Variants in FSTL5 observed in about 807,000 individuals in gnomAD.
FSTL5 encodes follistatin-related protein 5.
FSTL5 carries 62 observed loss-of-function variants against 89.1 expected under a neutral mutation model. The observed-to-expected ratio is 0.70, with a 90% CI of 0.57 to 0.86. FSTL5 has a LOEUF of 0.86. Ranked by LOEUF, FSTL5 falls within the 40% of genes least tolerant of loss-of-function variation. The pLI is 0.00. For missense variants in FSTL5, 1,057 were observed against 1,001.6 expected, an observed-to-expected ratio of 1.06 and a Z score of -0.75; for synonymous variants, 383 against 346.2, an observed-to-expected ratio of 1.11 and a Z score of -1.18.
At chr4:161,560,844 C>T (rs547584953) in intron 8 of FSTL5, among the ~76,000 whole-genome samples, 63 of 151,918 alleles carry the variant, frequency 4.1e-4, no homozygotes, top group African/African-American at 1.4e-3. Flanking sequence ...GCTGTTTTAC[C>T]GTTAACATTT....
chr4:162,100,418 G>A (rs1730948974), intron 2 of FSTL5, among the ~76,000 whole-genome samples: 1 of 152,080 alleles, frequency 6.6e-6, no homozygotes, highest in Admixed American at 6.6e-5. Context: ...AAATTATCCA[G>A]GTGTGGTGAG....
At chr4:161,461,305 C>A (rs10021022) in intron 13 of FSTL5, among the ~76,000 whole-genome samples, 101,705 of 128,738 alleles carry the variant, frequency 0.79, 40,406 homozygotes, top group East Asian at 0.95. Flanking sequence ...AACAAACAAA[C>A]AAAAAAATTA....
chr4:161,459,139 AT>A, intron 14 of FSTL5, 72 bp downstream of exon 14: 1 of 956,342 alleles, frequency 1.0e-6, no homozygotes, highest in Non-Finnish European at 1.7e-6. Context: ...TGGTTAAATG[AT>A]CACAAATATC....
chr4:161,931,328 G>A (rs766580796), intron 3 of FSTL5, among the ~76,000 whole-genome samples: 1 of 151,814 alleles, frequency 6.6e-6, no homozygotes, highest in Non-Finnish European at 1.5e-5. Flanking sequence ...CTTGGTCTAG[G>A]TGAATATAGT....
At chr4:161,566,670 C>T (rs1362863530) in intron 8 of FSTL5, among the ~76,000 whole-genome samples, 2 of 151,952 alleles carry the variant, frequency 1.3e-5, no homozygotes, top group Non-Finnish European at 2.9e-5. Context: ...GATGGTATCT[C>T]ATTGTGGTTT....
chr4:161,603,176 C>T (rs572368781), intron 7 of FSTL5, among the ~76,000 whole-genome samples: 7 of 152,110 alleles, frequency 4.6e-5, no homozygotes, highest in African/African-American at 7.2e-5. Context: ...TACACACACA[C>T]ATTGGCGTAC....
intron 13 of FSTL5, among the ~76,000 whole-genome samples, chr4:161,468,164 T>C (rs190100825): frequency 3.9e-5 from 6 of 152,180 alleles, no homozygotes; most frequent in Admixed American, 3.9e-4. Flanking sequence ...AACCCCATCA[T>C]ACAGTTCTCC....
At chr4:162,147,496 A>C (rs1009576125) in intron 1 of FSTL5, among the ~76,000 whole-genome samples, 2 of 152,194 alleles carry the variant, frequency 1.3e-5, no homozygotes, top group African/African-American at 4.8e-5. Context: ...AAAAGCAGTA[A>C]GATTTATTTG....
chr4:161,863,957 A>G (rs1294195706), intron 4 of FSTL5, among the ~76,000 whole-genome samples: 1 of 152,074 alleles, frequency 6.6e-6, no homozygotes, highest in Admixed American at 6.5e-5. Context: ...TGTTCTTGTC[A>G]TTGTCTATTG....
At chr4:161,854,655 G>A (rs943541951) in intron 4 of FSTL5, among the ~76,000 whole-genome samples, 1 of 152,062 alleles carries the variant, frequency 6.6e-6, no homozygotes, top group African/African-American at 2.4e-5. Flanking sequence ...GAATAAATAA[G>A]TTAGGTTAAA....
intron 3 of FSTL5, among the ~76,000 whole-genome samples, chr4:161,932,669 A>G (rs1027846685): frequency 9.2e-5 from 14 of 151,866 alleles, no homozygotes; most frequent in Non-Finnish European, 2.9e-5. Flanking sequence ...GAACTATATC[A>G]CTTGGCTTAT....
chr4:161,769,735 T>C (rs2872574), intron 5 of FSTL5, among the ~76,000 whole-genome samples: 31,840 of 151,864 alleles, frequency 0.21, 6,147 homozygotes, highest in African/African-American at 0.51. Context: ...GAAAGCCTTT[T>C]CTCTAAGATC....
At chr4:162,066,710 G>T (rs1738931820) in intron 2 of FSTL5, among the ~76,000 whole-genome samples, 1 of 151,026 alleles carries the variant, frequency 6.6e-6, no homozygotes, top group Non-Finnish European at 1.5e-5. Context: ...GTGTTACTCT[G>T]CTAAGAATGA....
chr4:161,721,863 A>T (rs182332941), intron 6 of FSTL5, among the ~76,000 whole-genome samples: 20 of 152,320 alleles, frequency 1.3e-4, no homozygotes, highest in Non-Finnish European at 4.4e-5. Context: ...TTAGTGAGTG[A>T]ATTTTAAAAT....
intron 3 of FSTL5, 57 bp downstream of exon 3, chr4:162,033,567 CT>C: frequency 2.2e-6 from 2 of 891,556 alleles, no homozygotes; most frequent in East Asian, 2.7e-5. Context: ...CATCACATAT[CT>C]TTTTTCTTTC....
chr4:161,447,159 T>G (rs576257901), intron 15 of FSTL5, among the ~76,000 whole-genome samples: 1 of 152,138 alleles, frequency 6.6e-6, no homozygotes, highest in East Asian at 1.9e-4. Flanking sequence ...TGTGGAGTGT[T>G]TCTAAATTAT....
intron 11 of FSTL5, 63 bp downstream of exon 11, chr4:161,510,335 A>T: frequency 2.0e-6 from 2 of 979,598 alleles, no homozygotes; most frequent in Non-Finnish European, 1.5e-6. Context: ...ACAAAATATA[A>T]TCAACAAATC....
At chr4:161,973,292 T>C (rs908706657) in intron 3 of FSTL5, among the ~76,000 whole-genome samples, 1 of 152,168 alleles carries the variant, frequency 6.6e-6, no homozygotes, top group African/African-American at 2.4e-5. Flanking sequence ...AGCTGTGAGG[T>C]CTGTAAATAT....
At chr4:162,112,558 T>C (rs1425058526) in intron 1 of FSTL5, among the ~76,000 whole-genome samples, 2 of 152,246 alleles carry the variant, frequency 1.3e-5, no homozygotes, top group East Asian at 3.9e-4. Context: ...TGACTGAATT[T>C]TAAACTCCCT....
Sources: gnomAD v4.1 joint callset for allele counts (sites outside exome capture counted in the v4.1 genomes callset) on GRCh38, gnomAD v4.1.1 for gene constraint, MANE v1.5 for transcripts, NCBI Gene and HGNC (gene_info 2026-07-23, HGNC 2026-07-21) for gene names.